GPBP1: variants seen among roughly 807,000 people sequenced by gnomAD.
GPBP1 encodes the protein vasculin.
In GPBP1, 13 loss-of-function variants were observed where a neutral mutation model predicts 56.5. That is an observed-to-expected ratio of 0.23 (90% CI 0.15 to 0.37). GPBP1 has a LOEUF of 0.37. Among genes scored for constraint, GPBP1 ranks in the 10% least tolerant of loss-of-function variants. GPBP1 has a pLI of 1.00. For synonymous variants in GPBP1, 204 were observed against 188.9 expected, an observed-to-expected ratio of 1.08 and a Z score of -0.66; for missense variants, 477 against 572.3, an observed-to-expected ratio of 0.83 and a Z score of 1.70.
intron 2 of GPBP1, among the ~76,000 whole-genome samples, chr5:57,194,017 C>T (rs1011843290): frequency 6.6e-6 from 1 of 152,124 alleles, no homozygotes; most frequent in African/African-American, 2.4e-5. Flanking sequence ...CATTCTTTTG[C>T]TTTCTAATAC....
At chr5:57,187,799 A>G (rs968039546) in intron 2 of GPBP1, among the ~76,000 whole-genome samples, 2 of 152,118 alleles carry the variant, frequency 1.3e-5, no homozygotes, top group Non-Finnish European at 1.5e-5. Context: ...GTTGAAGACC[A>G]TATCATATGA....
At chr5:57,248,551 C>A (rs1741211231) in intron 8 of GPBP1, among the ~76,000 whole-genome samples, 1 of 151,504 alleles carries the variant, frequency 6.6e-6, no homozygotes, top group African/African-American at 2.4e-5. Context: ...CCTCAGCCTC[C>A]CAAGTAGCTG....
intron 9 of GPBP1, among the ~76,000 whole-genome samples, chr5:57,250,560 T>G (rs897080739): frequency 6.6e-6 from 1 of 151,516 alleles, no homozygotes; most frequent in African/African-American, 2.4e-5. Context: ...TTTTTTTTTT[T>G]TTTTTAGAGT....
chr5:57,197,212 T>C (rs1754803970), intron 2 of GPBP1, among the ~76,000 whole-genome samples: 1 of 152,046 alleles, frequency 6.6e-6, no homozygotes. Flanking sequence ...ATTTATATAG[T>C]AGTTTACAGT....
rs1561348193 is a variant in GPBP1, at chr5:57,219,392, AAAAAAAAAAAAC to A, written c.63+5200_63+5211del. 3.4e-4 allele frequency among the ~76,000 whole-genome samples: 26 copies of A among 76,522 alleles called. 3 individuals carry two copies. The highest frequency in any genetic ancestry group is 4.6e-4 in the African/African-American group (5 of 10,850). 50.2% of individuals were successfully genotyped at this position (76,522 alleles called of 152,430 possible). A position where few individuals can be genotyped will look rare whatever the true frequency, so the allele number is the denominator to read the frequency against. ...CTCTGTCTCAAAAAAAAAAAAAAAA[AAAAAAAAAAAAC>A]CAAAAACAAACAAACAAAAAAAAAA... On this transcript the variant is annotated intron_variant, in intron 3 of 11. Coordinates refer to ENST00000506184, the MANE Select transcript of GPBP1 (RefSeq NM_022913.4).
At chr5:57,240,460 C>T (rs1263287920) in intron 6 of GPBP1, among the ~76,000 whole-genome samples, 2 of 152,144 alleles carry the variant, frequency 1.3e-5, no homozygotes, top group Non-Finnish European at 2.9e-5. Context: ...TGTAGGTTTA[C>T]TAGTGGAGTT....
At chr5:57,203,048 C>A (rs1354346648) in intron 2 of GPBP1, among the ~76,000 whole-genome samples, 1 of 152,014 alleles carries the variant, frequency 6.6e-6, no homozygotes, top group Non-Finnish European at 1.5e-5. Flanking sequence ...AGCTTATTTT[C>A]TTGTAGTGAA....
chr5:57,198,006 C>A (rs1337037018), intron 2 of GPBP1, among the ~76,000 whole-genome samples: 2 of 151,128 alleles, frequency 1.3e-5, no homozygotes, highest in African/African-American at 4.9e-5. Flanking sequence ...ATATTAGCTC[C>A]TTATTTGTGT....
chr5:57,217,155 T>A (rs1432283605), intron 3 of GPBP1, among the ~76,000 whole-genome samples: 1 of 152,190 alleles, frequency 6.6e-6, no homozygotes, highest in Non-Finnish European at 1.5e-5. Context: ...TTTAATAGTC[T>A]GCAAAGTGGA....
rs373861328 is a variant in GPBP1, at chr5:57,234,235, G to C, written c.412-1731G>C. ...TATATTAAGTACCTTCTTTAAAAGAGGCAGTTTGTGTGCTAGGAAAAATAC... is the reference window on the plus strand; with the variant it reads ...TATATTAAGTACCTTCTTTAAAAGACGCAGTTTGTGTGCTAGGAAAAATAC... On this transcript the variant is annotated intron_variant, in intron 5 of 11. Coordinates refer to ENST00000506184, the MANE Select transcript of GPBP1 (RefSeq NM_022913.4). Among the ~76,000 whole-genome samples, 11 of 152,210 alleles carry C rather than the reference G, an allele frequency of 7.2e-5. 1 individual carries two copies. The South Asian group carries it at 2.3e-3, about 32-fold the overall frequency.
At chr5:57,260,934 A>G (rs1741868596) in intron 10 of GPBP1, among the ~76,000 whole-genome samples, 1 of 152,190 alleles carries the variant, frequency 6.6e-6, no homozygotes, top group African/African-American at 2.4e-5. Context: ...CAGCCTGAAG[A>G]GCCTTTGACA....
chr5:57,211,522 T>A (rs571767024), intron 2 of GPBP1, among the ~76,000 whole-genome samples: 1 of 152,148 alleles, frequency 6.6e-6, no homozygotes, highest in African/African-American at 2.4e-5. Flanking sequence ...TTAAAGTTAA[T>A]ATAAAGACAT....
intron 1 of GPBP1, among the ~76,000 whole-genome samples, chr5:57,174,551 C>T (rs780998551): frequency 6.6e-6 from 1 of 152,184 alleles, no homozygotes; most frequent in Non-Finnish European, 1.5e-5. Flanking sequence ...CGGCCTCTTG[C>T]ACACGCCCGC....
At chr5:57,259,956 G>GGT (rs1741816696) in intron 10 of GPBP1, among the ~76,000 whole-genome samples, 1 of 152,138 alleles carries the variant, frequency 6.6e-6, no homozygotes, top group South Asian at 2.1e-4. Context: ...TCCACTTCTT[G>GGT]GTAGCTAGTG....
At chr5:57,241,588 T>C (rs984808265) in intron 6 of GPBP1, among the ~76,000 whole-genome samples, 3 of 152,124 alleles carry the variant, frequency 2.0e-5, no homozygotes, top group African/African-American at 7.2e-5. Context: ...AGGTCAGTTA[T>C]TGTCAGGCTA....
chr5:57,191,275 A>G (rs1001126883), intron 2 of GPBP1, among the ~76,000 whole-genome samples: 2 of 151,874 alleles, frequency 1.3e-5, no homozygotes, highest in African/African-American at 2.4e-5. Flanking sequence ...TTGTATTTTT[A>G]GTAGAGGCAG....
At chr5:57,211,310 C>T (rs944847473) in intron 2 of GPBP1, among the ~76,000 whole-genome samples, 13 of 152,044 alleles carry the variant, frequency 8.6e-5, no homozygotes, top group South Asian at 4.1e-4. Flanking sequence ...CCTCAGTCTC[C>T]GTAGTAGCTG....
intron 2 of GPBP1, among the ~76,000 whole-genome samples, chr5:57,209,783 G>A (rs1055623686): frequency 6.6e-6 from 1 of 152,086 alleles, no homozygotes; most frequent in Admixed American, 6.6e-5. Flanking sequence ...TTAATGTGGT[G>A]TATTATTGAT....
Position 57,230,834 on chromosome 5 carries a change from A to G in GPBP1, c.64-12A>G, listed in dbSNP as rs376944748. The G allele has an allele frequency of 6.3e-7, 1 of 1,592,984 alleles. No individual in the cohort carries two copies. Among genetic ancestry groups the G allele is most frequent in the Non-Finnish European group, 8.5e-7 (1 of 1,169,718 alleles). ...GTTTCATAAATACCTGTATTTTTATAATTTGTTTCAGTCGTCATTGAATTT... is the reference window on the plus strand; with the variant it reads ...GTTTCATAAATACCTGTATTTTTATGATTTGTTTCAGTCGTCATTGAATTT... On this transcript the variant is annotated splice_polypyrimidine_tract_variant and intron_variant, in intron 3 of 11. Transcript: ENST00000506184.
Sources: gnomAD v4.1 joint callset for allele counts (sites outside exome capture counted in the v4.1 genomes callset) on GRCh38, gnomAD v4.1.1 for gene constraint, MANE v1.5 for transcripts, NCBI Gene and HGNC (gene_info 2026-07-23, HGNC 2026-07-21) for gene names.